Variants in RHEX observed in about 807,000 individuals in gnomAD.
The protein encoded by RHEX is regulator of hemoglobinization and erythroid cell expansion protein.
RHEX carries 18 observed loss-of-function variants against 20.1 expected under a neutral mutation model. The ratio of observed to expected loss-of-function variants is 0.90; its 90% CI spans 0.62 to 1.33. The LOEUF is 1.33. RHEX is among the 40% of genes most tolerant of loss of function. The probability of loss-of-function intolerance (pLI) is 0.00; values close to 1 mark genes in which losing one functional copy is unlikely to be tolerated. For missense variants in RHEX, 192 were observed against 214.3 expected (o/e 0.90, Z 0.65); for synonymous variants, 87 against 77.1 (o/e 1.13, Z -0.67).
chr1:206,096,967 G>GT (rs1239839926), intron 1 of RHEX, among the ~76,000 whole-genome samples: 4 of 151,854 alleles, frequency 2.6e-5, no homozygotes, highest in African/African-American at 9.7e-5. Context: ...TAAAGACGAG[G>GT]TTTCGCCATA....
intron 1 of RHEX, among the ~76,000 whole-genome samples, chr1:206,064,438 G>A (rs532838790): frequency 9.0e-5 from 8 of 88,644 alleles, no homozygotes; most frequent in Admixed American, 2.0e-4. Flanking sequence ...GGAGGGAGGT[G>A]GGGGGGTCAG....
intron 1 of RHEX, among the ~76,000 whole-genome samples, chr1:206,054,730 G>T (rs1471459207): frequency 6.6e-6 from 1 of 152,212 alleles, no homozygotes; most frequent in African/African-American, 2.4e-5. Context: ...TGTCTACAAG[G>T]TTTTATTAAA....
At chr1:206,073,072 A>C (rs975142055) in intron 1 of RHEX, among the ~76,000 whole-genome samples, 2 of 151,962 alleles carry the variant, frequency 1.3e-5, no homozygotes, top group Non-Finnish European at 2.9e-5. Flanking sequence ...TCCTGGATTC[A>C]AGCAATCCAC....
intron 1 of RHEX, among the ~76,000 whole-genome samples, chr1:206,069,739 C>T (rs1323431763): frequency 6.6e-6 from 1 of 151,444 alleles, no homozygotes; most frequent in Non-Finnish European, 1.5e-5. Flanking sequence ...TCTGTCTGCA[C>T]CGACATTTTC....
chr1:206,053,592 G>C (rs1165320486), intron 1 of RHEX, among the ~76,000 whole-genome samples: 1 of 152,120 alleles, frequency 6.6e-6, no homozygotes, highest in Non-Finnish European at 1.5e-5. Context: ...TAGGAACTAT[G>C]TTAAAAAAAA....
chr1:206,093,235 T>C (rs1662994457), intron 1 of RHEX, among the ~76,000 whole-genome samples: 2 of 152,280 alleles, frequency 1.3e-5, no homozygotes, highest in African/African-American at 2.4e-5. Flanking sequence ...CAGTTGACAA[T>C]GTTGATTATA....
At chr1:206,087,295 G>A (rs960366895) in intron 1 of RHEX, among the ~76,000 whole-genome samples, 1 of 152,160 alleles carries the variant, frequency 6.6e-6, no homozygotes, top group Non-Finnish European at 1.5e-5. Flanking sequence ...CAAAGCCAGG[G>A]TTGGCAAGAC....
In RHEX at chr1:206,099,669, C is replaced by T; in HGVS notation, c.127C>T (p.Gln43Ter). The change falls in exon 4 of 6, where the codon CAG becomes TAG. Residue 43 changes from glutamine to a stop codon, truncating the protein, a stop_gained. Coordinates refer to ENST00000331555, the MANE Select transcript of RHEX (RefSeq NM_001007544.4). LOFTEE classifies it high-confidence loss of function. ...LSRHMAHKSE[Q>*]ILKAASLQVP... ...CTCCCTTCCAGCCCACAAGAGTGAA[C>T]AGATACTGAAAGCGGCCAGTCTCCA... 1 of 1,614,022 alleles carries T rather than the reference C, an allele frequency of 6.2e-7. No homozygotes were observed. Among genetic ancestry groups the T allele is most frequent in the Non-Finnish European group, 8.5e-7 (1 of 1,179,976 alleles).
intron 1 of RHEX, among the ~76,000 whole-genome samples, chr1:206,092,112 T>G (rs1662966336): frequency 6.6e-6 from 1 of 151,934 alleles, no homozygotes; most frequent in African/African-American, 2.4e-5. Flanking sequence ...TTAATAGAGA[T>G]GGGGTCTTGC....
At chr1:206,095,885 C>CA (rs1553287609) in intron 1 of RHEX, among the ~76,000 whole-genome samples, 3 of 151,960 alleles carry the variant, frequency 2.0e-5, no homozygotes, top group African/African-American at 7.3e-5. Flanking sequence ...GACTGGAGTG[C>CA]AGTGGCATGA....
intron 1 of RHEX, among the ~76,000 whole-genome samples, chr1:206,071,770 G>A (rs1284934065): frequency 6.6e-6 from 1 of 150,790 alleles, no homozygotes; most frequent in African/African-American, 2.4e-5. Flanking sequence ...GATCCCTTGA[G>A]CCCAGGAGGC....
chr1:206,072,046 A>AGG (rs1662547098), intron 1 of RHEX, among the ~76,000 whole-genome samples: 2 of 152,170 alleles, frequency 1.3e-5, no homozygotes, highest in South Asian at 4.1e-4. Context: ...CTCAGGTACC[A>AGG]TTTAGCAACA....
At chr1:206,098,420 C>T in intron 3 of RHEX, 2 of 506,956 alleles carry the variant, frequency 3.9e-6, no homozygotes, top group Non-Finnish European at 7.2e-6. Flanking sequence ...CCACATCCGT[C>T]TACTACCCAG....
chr1:206,062,644 G>C (rs77833004), intron 1 of RHEX, among the ~76,000 whole-genome samples: 1 of 152,092 alleles, frequency 6.6e-6, no homozygotes, highest in Admixed American at 6.5e-5. Context: ...GCATAGGGGG[G>C]CTGCAGGTGC....
intron 1 of RHEX, among the ~76,000 whole-genome samples, chr1:206,078,202 T>C (rs1662670322): frequency 6.6e-6 from 1 of 152,174 alleles, no homozygotes; most frequent in Non-Finnish European, 1.5e-5. Flanking sequence ...GAAATATTTC[T>C]GGTCATAAGC....
At chr1:206,061,401 A>G (rs1157787355) in intron 1 of RHEX, 1 of 152,246 alleles carries the variant, frequency 6.6e-6, no homozygotes, top group African/African-American at 2.4e-5. Context: ...GTCCTCGGTA[A>G]GGAACTAGTC....
chr1:206,067,381 A>C lies in RHEX; in HGVS notation c.-97+14116A>C, dbSNP rs1003183152. On this transcript the variant is annotated intron_variant, in intron 1 of 5. Coordinates refer to ENST00000331555, the MANE Select transcript of RHEX (RefSeq NM_001007544.4). The surrounding 1 kb of genome is among the most constrained non-coding windows in gnomAD (Gnocchi z 4.6). ...ATAGTTCTTCCTAGCTCTGAGCTCAAAGTTTCCCAAAGGGTATTTTTCTAG... is the reference window on the plus strand; with the variant it reads ...ATAGTTCTTCCTAGCTCTGAGCTCACAGTTTCCCAAAGGGTATTTTTCTAG... 2.0e-4 allele frequency among the ~76,000 whole-genome samples: 30 copies of C among 152,294 alleles called. No individual in the cohort carries two copies. The highest frequency in any genetic ancestry group is 6.0e-4 in the African/African-American group (25 of 41,556).
intron 1 of RHEX, among the ~76,000 whole-genome samples, chr1:206,089,539 TTTTTC>T (rs2102324295): frequency 6.6e-6 from 1 of 152,324 alleles, no homozygotes; most frequent in African/African-American, 2.4e-5. Flanking sequence ...TTGCTTCCCA[TTTTTC>T]ACTTTTATAA....
intron 1 of RHEX, chr1:206,061,086 T>A (rs1268436816): frequency 6.6e-6 from 1 of 152,206 alleles, no homozygotes; most frequent in Non-Finnish European, 1.5e-5. Flanking sequence ...TCTGCATATA[T>A]GCTTATGGCC....
Sources: gnomAD v4.1 joint callset for allele counts (sites outside exome capture counted in the v4.1 genomes callset) on GRCh38, gnomAD v4.1.1 for gene constraint, Gnocchi (gnomAD v3.1) non-coding constraint, MANE v1.5 for transcripts, NCBI Gene and HGNC (gene_info 2026-07-23, HGNC 2026-07-21) for gene names.